PRR5L: variants seen among roughly 807,000 people sequenced by gnomAD.
PRR5L encodes the protein proline rich 5 like.
In PRR5L, 21 loss-of-function variants were observed where a neutral mutation model predicts 36.4. The observed-to-expected ratio is 0.58, with a 90% CI of 0.41 to 0.83. The LOEUF is 0.83. Ranked by LOEUF, PRR5L falls within the 40% of genes least tolerant of loss-of-function variation. The pLI, the probability that PRR5L is intolerant of heterozygous loss-of-function variation, is 0.00. For missense variants in PRR5L, 381 were observed against 473.3 expected, an observed-to-expected ratio of 0.80 and a Z score of 1.81; for synonymous variants, 188 against 197.0, an observed-to-expected ratio of 0.95 and a Z score of 0.38.
chr11:36,329,513 T>C (rs1423639919), intron 1 of PRR5L, among the ~76,000 whole-genome samples: 2 of 152,242 alleles, frequency 1.3e-5, no homozygotes, highest in Non-Finnish European at 2.9e-5. Context: ...AGTTTTCCAC[T>C]GCATATAAAA....
At chr11:36,406,738 G>C (rs1307378570) in intron 3 of PRR5L, among the ~76,000 whole-genome samples, 1 of 152,208 alleles carries the variant, frequency 6.6e-6, no homozygotes, top group Non-Finnish European at 1.5e-5. Context: ...GCACAGGATG[G>C]TAGGGATGTC....
intron 6 of PRR5L, among the ~76,000 whole-genome samples, chr11:36,445,956 T>C (rs767864713): frequency 2.0e-5 from 3 of 152,218 alleles, no homozygotes; most frequent in Non-Finnish European, 4.4e-5. Context: ...GAAAACGGCC[T>C]TGAATGTAGG....
At chr11:36,364,637 A>C (rs1010700205) in intron 1 of PRR5L, among the ~76,000 whole-genome samples, 4 of 152,324 alleles carry the variant, frequency 2.6e-5, no homozygotes, top group African/African-American at 9.6e-5. Flanking sequence ...AGTGCCATAT[A>C]AACACAGCAG....
intron 3 of PRR5L, among the ~76,000 whole-genome samples, chr11:36,404,762 A>C (rs964369096): frequency 2.0e-5 from 3 of 152,206 alleles, no homozygotes; most frequent in Admixed American, 6.5e-5. Flanking sequence ...TAAAGTCTTT[A>C]GAATTGTATT....
chr11:36,347,883 G>C (rs1005036093), intron 1 of PRR5L, among the ~76,000 whole-genome samples: 2 of 152,050 alleles, frequency 1.3e-5, no homozygotes, highest in African/African-American at 2.4e-5. Flanking sequence ...CTTTGGGATA[G>C]ATAGACCTGG....
At chr11:36,296,522 G>GT (rs1856313181) in intron 1 of PRR5L, 84 bp downstream of exon 1, 1 of 152,210 alleles carries the variant, frequency 6.6e-6, no homozygotes, top group African/African-American at 2.4e-5. Flanking sequence ...AGGAGGATGG[G>GT]TTTCTGGCTT....
chr11:36,434,385 CAATT>C (rs558007909), intron 5 of PRR5L, among the ~76,000 whole-genome samples: 125 of 152,268 alleles, frequency 8.2e-4, no homozygotes, highest in African/African-American at 2.8e-3. Flanking sequence ...AGTTTGAAAA[CAATT>C]AATATGATCC....
chr11:36,351,840 A>T (rs967920180), intron 1 of PRR5L, among the ~76,000 whole-genome samples: 3 of 144,074 alleles, frequency 2.1e-5, no homozygotes, highest in Non-Finnish European at 4.5e-5. Flanking sequence ...GGGCATTTGG[A>T]CTAGTTCCAC....
chr11:36,443,991 C>T (rs762096712), intron 6 of PRR5L, among the ~76,000 whole-genome samples: 2 of 152,134 alleles, frequency 1.3e-5, no homozygotes, highest in Non-Finnish European at 2.9e-5. Context: ...TATTTTTTTA[C>T]GACTTTTTAA....
intron 8 of PRR5L, among the ~76,000 whole-genome samples, chr11:36,457,494 T>A (rs1292905264): frequency 1.3e-5 from 2 of 151,938 alleles, no homozygotes; most frequent in East Asian, 3.9e-4. Context: ...TAGTCCCAGC[T>A]ACTCTGGAGG....
intron 3 of PRR5L, among the ~76,000 whole-genome samples, chr11:36,413,694 T>A (rs1858076746): frequency 6.6e-6 from 1 of 151,454 alleles, no homozygotes; most frequent in Non-Finnish European, 1.5e-5. Context: ...TTTTATTTAT[T>A]TCTATTTTTT....
chr11:36,334,340 T>G (rs139408475), intron 1 of PRR5L, among the ~76,000 whole-genome samples: 1 of 152,314 alleles, frequency 6.6e-6, no homozygotes, highest in African/African-American at 2.4e-5. Flanking sequence ...TGTATTTCCC[T>G]CTCTACTTAA....
intron 1 of PRR5L, among the ~76,000 whole-genome samples, chr11:36,325,983 G>A (rs1466428940): frequency 1.3e-4 from 20 of 151,750 alleles, no homozygotes; most frequent in South Asian, 1.0e-3. Context: ...TTTATTAAGC[G>A]GTAAACATTT....
chr11:36,355,394 C>T (rs1002622797), intron 1 of PRR5L, among the ~76,000 whole-genome samples: 1 of 152,148 alleles, frequency 6.6e-6, no homozygotes, highest in Non-Finnish European at 1.5e-5. Context: ...ATTGCACTTT[C>T]ACCAAGACTC....
intron 8 of PRR5L, chr11:36,453,872 T>G (rs940470334): frequency 6.6e-6 from 1 of 152,266 alleles, no homozygotes; most frequent in East Asian, 1.9e-4. Flanking sequence ...CAGAGAGGGA[T>G]GACTATCCCC....
intron 1 of PRR5L, among the ~76,000 whole-genome samples, chr11:36,393,041 T>C (rs532163824): frequency 7.2e-5 from 11 of 152,238 alleles, no homozygotes; most frequent in Non-Finnish European, 1.6e-4. Context: ...ATTTCTTTCC[T>C]ATAGAGTTGT....
At chr11:36,342,589 T>C (rs1294197565) in intron 1 of PRR5L, among the ~76,000 whole-genome samples, 1 of 152,170 alleles carries the variant, frequency 6.6e-6, no homozygotes, top group Non-Finnish European at 1.5e-5. Context: ...TCAATTTCTC[T>C]GATAAAACCA....
chr11:36,337,444 G>A (rs893781158), intron 1 of PRR5L, among the ~76,000 whole-genome samples: 1 of 152,162 alleles, frequency 6.6e-6, no homozygotes, highest in African/African-American at 2.4e-5. Context: ...AGAACTGTGA[G>A]CAATAAATGT....
rs1382882614 is a variant in PRR5L, at chr11:36,351,272, TTA to T, written c.-125-49717_-125-49716del. Reference sequence around the variant, plus strand: ...TTTTTATATATGTATATTTATATATTTATATATATGTATATTTATATATTTAT... The same window carrying T: ...TTTTTATATATGTATATTTATATATTTATATATGTATATTTATATATTTAT... On this transcript the variant is annotated intron_variant, in intron 1 of 8. Coordinates refer to ENST00000530639, the MANE Select transcript of PRR5L (RefSeq NM_001160167.2). Among the ~76,000 whole-genome samples, 162 of 20,176 alleles carry T rather than the reference TTA, an allele frequency of 8.0e-3. 3 individuals are homozygous for T. Among genetic ancestry groups the T allele is most frequent in the African/African-American group, 0.039 (156 of 4,028 alleles). The allele number at this position is 20,176 out of a possible 152,430, so 13.2% of individuals were successfully genotyped here. A position where few individuals can be genotyped will look rare whatever the true frequency, so the allele number is the denominator to read the frequency against.
Sources: gnomAD v4.1 joint callset for allele counts (sites outside exome capture counted in the v4.1 genomes callset) on GRCh38, gnomAD v4.1.1 for gene constraint, MANE v1.5 for transcripts, NCBI Gene and HGNC (gene_info 2026-07-23, HGNC 2026-07-21) for gene names.